DPYD: variants seen among roughly 807,000 people sequenced by gnomAD.
DPYD encodes the protein dihydropyrimidine dehydrogenase [NADP(+)].
DPYD carries 109 observed loss-of-function variants against 116.2 expected under a neutral mutation model. The observed-to-expected ratio is 0.94, with a 90% CI of 0.80 to 1.10. The LOEUF (loss-of-function observed/expected upper bound fraction) is 1.10, where lower values mean the gene tolerates loss of function less well. Among genes scored for constraint, DPYD ranks in the 50% least tolerant of loss-of-function variants. DPYD has a pLI of 0.00. For synonymous variants in DPYD, 440 were observed against 432.0 expected (o/e 1.02, Z -0.23); for missense variants, 1,302 against 1,254.5 (o/e 1.04, Z -0.57).
chr1:97,229,578 A>G (rs1570718321), intron 19 of DPYD, among the ~76,000 whole-genome samples: 1 of 72,732 alleles, frequency 1.4e-5, no homozygotes, highest in African/African-American at 3.7e-5. Flanking sequence ...ATATATATAT[A>G]TATATATATA....
intron 16 of DPYD, among the ~76,000 whole-genome samples, chr1:97,367,006 G>C (rs746119295): frequency 6.6e-6 from 1 of 152,072 alleles, no homozygotes; most frequent in Admixed American, 6.6e-5. Flanking sequence ...AGACATCTAT[G>C]GGGGTCTGAT....
chr1:97,414,524 T>C (rs1427431335), intron 14 of DPYD, among the ~76,000 whole-genome samples: 1 of 152,204 alleles, frequency 6.6e-6, no homozygotes. Context: ...CTGATGTGCA[T>C]CAGAGGGGGC....
At chr1:97,686,811 A>C in intron 7 of DPYD, among the ~76,000 whole-genome samples, 1 of 152,102 alleles carries the variant, frequency 6.6e-6, no homozygotes, top group Non-Finnish European at 1.5e-5. Flanking sequence ...GATTTAATTA[A>C]ACAAAAGAGC....
At chr1:97,733,906 C>T (rs1663772666) in intron 4 of DPYD, among the ~76,000 whole-genome samples, 1 of 151,974 alleles carries the variant, frequency 6.6e-6, no homozygotes, top group African/African-American at 2.4e-5. Flanking sequence ...TGCAAGCAGG[C>T]TAATTTTAAT....
chr1:97,135,713 A>G (rs1425678453), intron 20 of DPYD, among the ~76,000 whole-genome samples: 2 of 152,172 alleles, frequency 1.3e-5, no homozygotes, highest in East Asian at 3.9e-4. Flanking sequence ...ATGGTAGAAC[A>G]GGATTTCTTG....
At chr1:97,821,613 A>G (rs1007106845) in intron 3 of DPYD, among the ~76,000 whole-genome samples, 3 of 151,948 alleles carry the variant, frequency 2.0e-5, no homozygotes, top group Non-Finnish European at 4.4e-5. Flanking sequence ...TTTTTCTTTG[A>G]TTATCATTTT....
At position 97,385,280 on chromosome 1, in the gene DPYD, C is replaced by CAAAAA. The variant is rs567156406; in HGVS notation, c.1906-2824_1906-2820dup. ...TACCTCTTGGTGTAGGCATTCCTTG[C>CAAAAA]AAAAAAAAAAAAAAAAAAAAAAAAA... On this transcript the variant is annotated intron_variant, in intron 14 of 22. Transcript: ENST00000370192. Among the ~76,000 whole-genome samples, 5 of 48,940 alleles carry CAAAAA rather than the reference C, an allele frequency of 1.0e-4. 1 individual carries two copies. The highest frequency in any genetic ancestry group is 5.1e-4 in the African/African-American group (4 of 7,872). The allele number at this position is 48,940 out of a possible 152,430, so 32.1% of individuals were successfully genotyped here. A position where few individuals can be genotyped will look rare whatever the true frequency, so the allele number is the denominator to read the frequency against.
intron 5 of DPYD, among the ~76,000 whole-genome samples, chr1:97,702,693 T>C (rs1370738002): frequency 6.6e-6 from 1 of 151,902 alleles, no homozygotes; most frequent in African/African-American, 2.4e-5. Flanking sequence ...AAGCAAGAAA[T>C]AGGTTAGTTC....
intron 5 of DPYD, among the ~76,000 whole-genome samples, chr1:97,717,956 A>G (rs116370811): frequency 1.3e-5 from 2 of 151,882 alleles, no homozygotes; most frequent in Non-Finnish European, 2.9e-5. Context: ...TTTTCATATA[A>G]TGACTTCTTT....
chr1:97,702,591 T>C (rs887437831), intron 5 of DPYD, among the ~76,000 whole-genome samples: 2 of 151,912 alleles, frequency 1.3e-5, no homozygotes, highest in African/African-American at 2.4e-5. Context: ...TGGAAGCAGA[T>C]TTAAATGTAC....
intron 18 of DPYD, among the ~76,000 whole-genome samples, chr1:97,288,756 C>T (rs924373734): frequency 2.7e-5 from 4 of 149,702 alleles, no homozygotes; most frequent in Non-Finnish European, 5.9e-5. Flanking sequence ...AATTGACACC[C>T]TAACATCACA....
At chr1:97,380,350 A>C (rs1343204237) in intron 15 of DPYD, among the ~76,000 whole-genome samples, 1 of 152,230 alleles carries the variant, frequency 6.6e-6, no homozygotes, top group Admixed American at 6.5e-5. Context: ...ACCTGGATCA[A>C]GAAAACTAAC....
chr1:97,532,504 G>T (rs1557778298), intron 12 of DPYD, among the ~76,000 whole-genome samples: 1 of 152,064 alleles, frequency 6.6e-6, no homozygotes, highest in Non-Finnish European at 1.5e-5. Flanking sequence ...AAGCCACCTG[G>T]TCGTAGGCTT....
At chr1:97,094,651 T>A (rs1650113479) in intron 21 of DPYD, among the ~76,000 whole-genome samples, 1 of 152,090 alleles carries the variant, frequency 6.6e-6, no homozygotes, top group Admixed American at 6.6e-5. Context: ...GCTACTGGGT[T>A]CCTTGGTCAG....
chr1:97,609,945 T>G (rs1034706139), intron 8 of DPYD, among the ~76,000 whole-genome samples: 19 of 152,002 alleles, frequency 1.2e-4, no homozygotes, highest in African/African-American at 4.6e-4. Context: ...CTTGTAAAAG[T>G]ATCTTCTAAG....
intron 12 of DPYD, 23 bp from the exon 13 acceptor site, chr1:97,515,964 T>C (rs1353393979): frequency 6.3e-7 from 1 of 1,599,900 alleles, no homozygotes; most frequent in African/African-American, 1.3e-5. Flanking sequence ...AACCAATACT[T>C]GGTTTCATAT....
intron 18 of DPYD, among the ~76,000 whole-genome samples, chr1:97,288,127 A>C (rs1175934103): frequency 1.3e-5 from 2 of 151,720 alleles, no homozygotes; most frequent in Non-Finnish European, 2.9e-5. Context: ...ATTCAACAAG[A>C]AAAGCTAACT....
chr1:97,869,646 T>G (rs116303728), intron 2 of DPYD, among the ~76,000 whole-genome samples: 1 of 151,724 alleles, frequency 6.6e-6, no homozygotes, highest in Non-Finnish European at 1.5e-5. Flanking sequence ...ATACAGAAAG[T>G]TGGCACCAAG....
chr1:97,540,382 CAAAACAAAACAA>C (rs1209659577), intron 12 of DPYD, among the ~76,000 whole-genome samples: 2 of 142,952 alleles, frequency 1.4e-5, no homozygotes, highest in African/African-American at 5.0e-5. Context: ...CAAAACAAAA[CAAAACAAAACAA>C]AAACCAAACT....
Sources: allele counts gnomAD v4.1 joint callset (sites outside exome capture counted in the v4.1 genomes callset), GRCh38; gene constraint gnomAD v4.1.1; transcripts MANE v1.5; gene names NCBI Gene and HGNC (gene_info 2026-07-23, HGNC 2026-07-21).